Variants in CECR2 observed in about 807,000 individuals in gnomAD.
CECR2 encodes the protein CECR2 histone acetyl-lysine reader.
CECR2 carries 30 observed loss-of-function variants against 154.5 expected under a neutral mutation model. The observed-to-expected ratio is 0.19, with a 90% CI of 0.15 to 0.26. CECR2 has a LOEUF of 0.26. Ranked by LOEUF, CECR2 falls within the 10% of genes least tolerant of loss-of-function variation. The probability of loss-of-function intolerance (pLI) is 1.00; values close to 1 mark genes in which losing one functional copy is unlikely to be tolerated. For missense variants in CECR2, 1,743 were observed against 1,829.3 expected (o/e 0.95, Z 0.86); for synonymous variants, 725 against 683.7 (o/e 1.06, Z -0.94).
intron 1 of CECR2, chr22:17,419,360 A>G (rs908733258): frequency 2.9e-5 from 5 of 174,984 alleles, no homozygotes; most frequent in Non-Finnish European, 5.0e-5. Context: ...GAAGCACTGT[A>G]AAAGATGCTT....
Position 17,549,532 on chromosome 22 carries a change from A to G in CECR2, c.4245A>G (p.Arg1415=), listed in dbSNP as rs1351486444. 6.2e-7 allele frequency: 1 copy of G among 1,601,418 alleles called. No homozygotes were observed. The highest frequency in any genetic ancestry group is 1.7e-5 in the Admixed American group (1 of 57,798). ...AAATTGGCACTAGAAGTGGAATAAG[A>G]GGACCTTTCCAGGAAATGTACAGAC... is the stretch of plus-strand genomic sequence containing the variant. The part of the protein sequence containing the change: ...MEQIGTRSGI[R]GPFQEMYRPS... Residue 1415 remains arginine (R), a synonymous_variant, in exon 17 of 19, where the codon AGA becomes AGG. Transcript: ENST00000262608.
At chr22:17,407,562 A>G (rs1474427057) in intron 1 of CECR2, among the ~76,000 whole-genome samples, 1 of 151,740 alleles carries the variant, frequency 6.6e-6, no homozygotes, top group African/African-American at 2.4e-5. Context: ...ATCACTGCAC[A>G]CCAGCCTGGG....
chr22:17,481,061 A>G lies in CECR2; in HGVS notation c.221+3379A>G, dbSNP rs569388469. On this transcript the variant is annotated intron_variant, in intron 2 of 18. Transcript: ENST00000262608. ...TCTCTTTTTTTTTTAAAAAAAAAAA[A>G]GGCCGGGCACGGTGCCTCACGCCTG... 7.0e-3 allele frequency among the ~76,000 whole-genome samples: 993 copies of G among 141,104 alleles called. 11 individuals carry two copies. The highest frequency in any genetic ancestry group is 0.025 in the African/African-American group (927 of 37,724). The allele number at this position is 141,104 out of a possible 152,430, so 92.6% of individuals were successfully genotyped here. A position where few individuals can be genotyped will look rare whatever the true frequency, so the allele number is the denominator to read the frequency against.
chr22:17,398,736 A>G lies in CECR2; in HGVS notation c.126+28827A>G, dbSNP rs540609896. Reference sequence around the variant, plus strand: ...TTTGTAAAATACCCAAATTGTGCCAACTTATAAATTGTGCTCAAATTAGCT... The same window carrying G: ...TTTGTAAAATACCCAAATTGTGCCAGCTTATAAATTGTGCTCAAATTAGCT... On this transcript the variant is annotated intron_variant, in intron 1 of 18. Coordinates refer to ENST00000262608, the MANE Select transcript of CECR2 (RefSeq NM_001290047.2). Among the ~76,000 whole-genome samples the G allele has an allele frequency of 6.0e-4, 92 of 152,250 alleles. 1 individual carries two copies. The highest frequency in any genetic ancestry group is 1.1e-3 in the Non-Finnish European group (75 of 68,044).
chr22:17,414,126 C>T (rs568804498), intron 1 of CECR2, among the ~76,000 whole-genome samples: 80 of 151,986 alleles, frequency 5.3e-4, no homozygotes, highest in African/African-American at 1.8e-3. Flanking sequence ...GTGCCTGCCA[C>T]CACGCCTGGC....
chr22:17,456,532 G>A (rs2054857021), intron 1 of CECR2, among the ~76,000 whole-genome samples: 1 of 152,160 alleles, frequency 6.6e-6, no homozygotes, highest in Admixed American at 6.5e-5. Context: ...AGTAGTAACT[G>A]TTTATTCCAC....
chr22:17,482,140 AAG>A (rs1462109313), intron 2 of CECR2, among the ~76,000 whole-genome samples: 9 of 77,656 alleles, frequency 1.2e-4, no homozygotes, highest in East Asian at 9.3e-4. Context: ...AAAAAAAAAA[AAG>A]GGCGTGGCAT....
At chr22:17,455,492 C>G (rs1031863660) in intron 1 of CECR2, among the ~76,000 whole-genome samples, 2 of 152,226 alleles carry the variant, frequency 1.3e-5, no homozygotes, top group African/African-American at 4.8e-5. Context: ...TCCCTACTCT[C>G]CTGACCCACT....
chr22:17,375,588 GGT>G (rs2063109374), intron 1 of CECR2, among the ~76,000 whole-genome samples: 1 of 152,176 alleles, frequency 6.6e-6, no homozygotes, highest in South Asian at 2.1e-4. Flanking sequence ...GCCATGGTGA[GGT>G]GTAGATTGTT....
intron 8 of CECR2, among the ~76,000 whole-genome samples, chr22:17,512,585 C>A (rs369239813): frequency 6.6e-6 from 1 of 151,694 alleles, no homozygotes; most frequent in South Asian, 2.1e-4. Flanking sequence ...CACCTGTAAT[C>A]CCAGCTACTC....
At chr22:17,487,658 A>G (rs1179492757) in intron 2 of CECR2, among the ~76,000 whole-genome samples, 1 of 152,138 alleles carries the variant, frequency 6.6e-6, no homozygotes, top group African/African-American at 2.4e-5. Context: ...CGCCATGCAC[A>G]AGCCTGGGTG....
intron 1 of CECR2, among the ~76,000 whole-genome samples, chr22:17,460,839 G>A (rs2054926455): frequency 6.6e-6 from 1 of 152,136 alleles, no homozygotes; most frequent in African/African-American, 2.4e-5. Context: ...GTAGGGGAAG[G>A]AAATCTCTTA....
chr22:17,540,565 G>A lies in CECR2; in HGVS notation c.1649G>A (p.Gly550Glu). 2 of 1,612,658 alleles carry A rather than the reference G, an allele frequency of 1.2e-6. No individual in the cohort carries two copies. The highest frequency in any genetic ancestry group is 2.2e-5 in the South Asian group (2 of 90,822). The change falls in exon 14 of 19, where the codon GGG becomes GAG. Residue 550 changes from glycine (G) to glutamate (E), a missense_variant. By Grantham distance (98) the Gly-to-Glu change is moderately conservative. Coordinates refer to ENST00000262608, the MANE Select transcript of CECR2 (RefSeq NM_001290047.2). ...CGGAGTCGGGCTGGGCGAAGTGGTG[G>A]GAGCCATGTTTGGACCCGCTCCAGG... ...KRRSRAGRSG[G>E]SHVWTRSRDP...
At chr22:17,498,139 C>G (rs2055664741) in intron 3 of CECR2, among the ~76,000 whole-genome samples, 1 of 152,158 alleles carries the variant, frequency 6.6e-6, no homozygotes, top group Non-Finnish European at 1.5e-5. Flanking sequence ...GCCTGTAATC[C>G]CAGCACTTTG....
intron 1 of CECR2, among the ~76,000 whole-genome samples, chr22:17,371,564 T>TGTCC (rs2063061167): frequency 6.6e-6 from 1 of 152,230 alleles, no homozygotes; most frequent in South Asian, 2.1e-4. Context: ...GTTACTCTGA[T>TGTCC]GTCCTGTGTT....
chr22:17,481,567 A>G (rs1268881539), intron 2 of CECR2, among the ~76,000 whole-genome samples: 2 of 152,124 alleles, frequency 1.3e-5, no homozygotes, highest in Non-Finnish European at 2.9e-5. Context: ...TGTGGTTTGC[A>G]TGTTTTAGAA....
At chr22:17,502,963 A>G in intron 5 of CECR2, 119 bp from the exon 6 acceptor site, 1 of 805,984 alleles carries the variant, frequency 1.2e-6, no homozygotes, top group Non-Finnish European at 2.0e-6. Context: ...TTGTCCCCTT[A>G]ACACACACAC....
intron 1 of CECR2, among the ~76,000 whole-genome samples, chr22:17,440,029 G>A (rs907688495): frequency 1.3e-5 from 2 of 151,210 alleles, no homozygotes; most frequent in African/African-American, 4.9e-5. Context: ...ATACATTGAT[G>A]CATGTGTCTG....
At chr22:17,520,397 G>T (rs912770863) in intron 8 of CECR2, among the ~76,000 whole-genome samples, 1 of 147,948 alleles carries the variant, frequency 6.8e-6, no homozygotes. Context: ...CAAGGCTCAG[G>T]TTTTTTTTTT....
Sources: gnomAD v4.1 joint callset for allele counts (sites outside exome capture counted in the v4.1 genomes callset) on GRCh38, gnomAD v4.1.1 for gene constraint, MANE v1.5 for transcripts, NCBI Gene and HGNC (gene_info 2026-07-23, HGNC 2026-07-21) for gene names.